Variants in NAV3 observed in about 807,000 individuals in gnomAD.
The protein encoded by NAV3 is pore membrane and/or filament interacting like protein 1.
A neutral mutation model predicts 244.7 loss-of-function variants in NAV3; 87 were observed. The observed-to-expected ratio is 0.36, with a 90% CI of 0.30 to 0.42. The LOEUF is 0.42. NAV3 is among the 20% of genes least tolerant of loss of function. The pLI is 1.00. For synonymous variants in NAV3, 1,126 were observed against 1,042.2 expected (o/e 1.08, Z -1.55); for missense variants, 2,663 against 2,893.3 (o/e 0.92, Z 1.83).
intron 2 of NAV3, among the ~76,000 whole-genome samples, chr12:77,824,241 A>ATTTTTTTTTTTTTTTTT (rs61710960): frequency 3.8e-5 from 4 of 104,904 alleles, no homozygotes; most frequent in African/African-American, 3.8e-5. Flanking sequence ...GCCCAACTAA[A>ATTTTTTTTTTTTTTTTT]TTTTTTTTTT....
At position 77,885,363 on chromosome 12, in the gene NAV3, T is replaced by C. The variant is rs184244179; in HGVS notation, c.243+53659T>C. 1.5e-3 allele frequency among the ~76,000 whole-genome samples: 222 copies of C among 152,278 alleles called. 2 individuals are homozygous for C. The highest frequency in any genetic ancestry group is 5.1e-3 in the African/African-American group (213 of 41,588). On this transcript the variant is annotated intron_variant, in intron 1 of 39. Coordinates refer to ENST00000397909, the MANE Select transcript of NAV3 (RefSeq NM_001024383.2). ...TGCCAAAGGTTGTACTGCTGCTTTTTTTCTGCTACTAGTTTTGTATATATG... is the reference window on the plus strand; with the variant it reads ...TGCCAAAGGTTGTACTGCTGCTTTTCTTCTGCTACTAGTTTTGTATATATG...
chr12:78,193,104 C>G (rs2139925360), intron 34 of NAV3, among the ~76,000 whole-genome samples: 1 of 152,282 alleles, frequency 6.6e-6, no homozygotes, highest in Middle Eastern at 3.4e-3. Context: ...ATAGATAGCA[C>G]TGAAGAGACA....
intron 2 of NAV3, among the ~76,000 whole-genome samples, chr12:77,823,616 A>T (rs140046414): frequency 2.0e-5 from 3 of 152,332 alleles, no homozygotes; most frequent in African/African-American, 7.2e-5. Flanking sequence ...CAATTTATTT[A>T]AAATGCTCAA....
At chr12:77,870,240 C>T (rs1880736118) in intron 1 of NAV3, among the ~76,000 whole-genome samples, 1 of 151,668 alleles carries the variant, frequency 6.6e-6, no homozygotes, top group East Asian at 1.9e-4. Flanking sequence ...TGGCGCGCGC[C>T]TGTAGTCCCA....
At chr12:77,995,596 G>A (rs1049846977) in intron 6 of NAV3, among the ~76,000 whole-genome samples, 3 of 152,066 alleles carry the variant, frequency 2.0e-5, no homozygotes, top group African/African-American at 4.8e-5. Context: ...TCCAGCAGTG[G>A]TTTATTCATT....
At chr12:77,837,478 C>G (rs1199590397) in intron 1 of NAV3, among the ~76,000 whole-genome samples, 1 of 151,978 alleles carries the variant, frequency 6.6e-6, no homozygotes, top group African/African-American at 2.4e-5. Flanking sequence ...ATAGAGTATT[C>G]CATTCAGTCC....
chr12:77,982,031 G>A (rs1869659273), intron 5 of NAV3, among the ~76,000 whole-genome samples: 1 of 152,096 alleles, frequency 6.6e-6, no homozygotes. Flanking sequence ...TAGATGAAGA[G>A]TTATAAAAAC....
At chr12:77,830,172 T>A (rs1873457133), upstream of NAV3, among the ~76,000 whole-genome samples, 1 of 152,226 alleles carries the variant, frequency 6.6e-6, no homozygotes, top group Non-Finnish European at 1.5e-5. Context: ...ATTCTATGGA[T>A]GGAAGCATCA....
At chr12:78,114,857 A>C (rs1440805276) in intron 12 of NAV3, among the ~76,000 whole-genome samples, 1 of 152,226 alleles carries the variant, frequency 6.6e-6, no homozygotes, top group Non-Finnish European at 1.5e-5. Context: ...TGTTCTTGAT[A>C]ATCTGAATTA....
At chr12:78,193,762 C>A (rs1013479768) in intron 34 of NAV3, among the ~76,000 whole-genome samples, 4 of 152,064 alleles carry the variant, frequency 2.6e-5, no homozygotes, top group Non-Finnish European at 5.9e-5. Context: ...TTTATACCTA[C>A]CATCAGATTC....
intron 2 of NAV3, among the ~76,000 whole-genome samples, chr12:77,691,359 A>ATATATATATATATC (rs1195596212): frequency 7.2e-6 from 1 of 138,254 alleles, no homozygotes; most frequent in Non-Finnish European, 1.6e-5. Context: ...ATATATACAT[A>ATATATATATATATC]TCCATTCTTG....
intron 3 of NAV3, among the ~76,000 whole-genome samples, chr12:77,956,725 C>CTTATTTATTTATTTATTTATTTAT (rs111942943): frequency 6.7e-6 from 1 of 149,620 alleles, no homozygotes; most frequent in African/African-American, 2.5e-5. Context: ...TAAAATCCAA[C>CTTATTTATTTATTTATTTATTTAT]TTATTTATTT....
chr12:78,065,403 A>T (rs961611031), intron 12 of NAV3, among the ~76,000 whole-genome samples: 13 of 152,206 alleles, frequency 8.5e-5, no homozygotes, highest in African/African-American at 2.9e-4. Flanking sequence ...TGTGCAAGCT[A>T]GGAACATTTG....
chr12:78,137,340 C>T lies in NAV3; in HGVS notation c.4605C>T (p.Gly1535=). The change falls in exon 19 of 40, where the codon GGC becomes GGT. Residue 1535 remains glycine, a synonymous_variant. Transcript: ENST00000397909. ...EERPRAISHS[G]SFRDSMEEVH... Reference sequence around the variant, plus strand: ...GACCTCGTGCCATCAGTCATTCGGGCTCATTCAGAGACAGCATGGAAGAAG... The same window carrying T: ...GACCTCGTGCCATCAGTCATTCGGGTTCATTCAGAGACAGCATGGAAGAAG... 6.2e-7 allele frequency: 1 copy of T among 1,612,408 alleles called. No homozygotes were observed. Among genetic ancestry groups the T allele is most frequent in the Non-Finnish European group, 8.5e-7 (1 of 1,179,454 alleles).
chr12:77,809,910 G>T (rs554307982), intron 2 of NAV3, among the ~76,000 whole-genome samples: 1 of 152,120 alleles, frequency 6.6e-6, no homozygotes, highest in East Asian at 1.9e-4. Context: ...TCTACCTTTG[G>T]TTGGGTTCGT....
At chr12:77,972,065 A>C (rs1181655905) in intron 5 of NAV3, among the ~76,000 whole-genome samples, 1 of 152,218 alleles carries the variant, frequency 6.6e-6, no homozygotes, top group Non-Finnish European at 1.5e-5. Flanking sequence ...AAAATAAAAC[A>C]TGGACCAAGA....
chr12:78,177,917 C>A (rs1471947642), intron 28 of NAV3, among the ~76,000 whole-genome samples: 1 of 95,054 alleles, frequency 1.1e-5, no homozygotes, highest in Non-Finnish European at 3.1e-5. Flanking sequence ...TTTGGTAGTA[C>A]AGTAGCCCCC....
At chr12:77,863,491 T>TA (rs944046124) in intron 1 of NAV3, among the ~76,000 whole-genome samples, 3 of 151,766 alleles carry the variant, frequency 2.0e-5, no homozygotes, top group African/African-American at 4.8e-5. Flanking sequence ...ATAATATAAA[T>TA]AAAAAAACAA....
At chr12:77,946,120 ATT>A (rs550625192) in intron 3 of NAV3, among the ~76,000 whole-genome samples, 1,500 of 135,172 alleles carry the variant, frequency 0.011, 42 homozygotes, top group Admixed American at 0.07. Context: ...ATATATATAT[ATT>A]GTGTAAATAT....
Sources: allele counts gnomAD v4.1 joint callset (sites outside exome capture counted in the v4.1 genomes callset), GRCh38; gene constraint gnomAD v4.1.1; transcripts MANE v1.5; gene names NCBI Gene and HGNC (gene_info 2026-07-23, HGNC 2026-07-21).